The following PDZRN3 variants were observed in gnomAD, a reference collection of about 807,000 sequenced individuals.
The protein encoded by PDZRN3 is E3 ubiquitin-protein ligase PDZRN3.
A neutral mutation model predicts 85.7 loss-of-function variants in PDZRN3; 38 were observed. That is an observed-to-expected ratio of 0.44 (90% CI 0.34 to 0.58). The LOEUF is 0.58. Ranked by LOEUF, PDZRN3 falls within the 20% of genes least tolerant of loss-of-function variation. The pLI is 0.01. For synonymous variants in PDZRN3, 759 were observed against 638.0 expected, an observed-to-expected ratio of 1.19 and a Z score of -2.86; for missense variants, 1,629 against 1,506.4, an observed-to-expected ratio of 1.08 and a Z score of -1.35.
chr3:73,572,355 T>C (rs1329046667), intron 3 of PDZRN3, among the ~76,000 whole-genome samples: 2 of 152,238 alleles, frequency 1.3e-5, no homozygotes, highest in Admixed American at 1.3e-4. Flanking sequence ...CTCAGTTTTA[T>C]GGAAATCCAA....
intron 8 of PDZRN3, 150 bp downstream of exon 8, chr3:73,387,818 G>A (rs73838519): frequency 0.037 from 21,793 of 591,310 alleles, 535 homozygotes; most frequent in African/African-American, 0.081. Context: ...CTCATAAAGT[G>A]AATTCTGAAT....
intron 3 of PDZRN3, among the ~76,000 whole-genome samples, chr3:73,585,758 T>C (rs777379792): frequency 6.6e-6 from 1 of 152,206 alleles, no homozygotes; most frequent in Non-Finnish European, 1.5e-5. Flanking sequence ...TTCCAGAACT[T>C]AGTTGCTACT....
At chr3:73,612,685 A>G (rs1034806711) in intron 1 of PDZRN3, among the ~76,000 whole-genome samples, 1 of 152,184 alleles carries the variant, frequency 6.6e-6, no homozygotes, top group African/African-American at 2.4e-5. Flanking sequence ...TTGTCCCTTG[A>G]GAGAGATTCT....
At chr3:73,440,574 G>A (rs961786581) in intron 3 of PDZRN3, among the ~76,000 whole-genome samples, 1 of 152,156 alleles carries the variant, frequency 6.6e-6, no homozygotes, top group East Asian at 1.9e-4. Flanking sequence ...TGTGTTTCCC[G>A]ACACTGGCGA....
intron 3 of PDZRN3, among the ~76,000 whole-genome samples, chr3:73,518,544 T>TA (rs146407164): frequency 6.0e-5 from 9 of 151,126 alleles, no homozygotes; most frequent in South Asian, 2.1e-4. Context: ...TTTTAAAACT[T>TA]AAAAAAAAAG....
intron 3 of PDZRN3, among the ~76,000 whole-genome samples, chr3:73,421,352 G>T (rs1482133623): frequency 6.6e-6 from 1 of 152,196 alleles, no homozygotes; most frequent in Non-Finnish European, 1.5e-5. Context: ...GCCATAAAAA[G>T]AACCCAAGCC....
chr3:73,494,053 T>C (rs1414445100), intron 3 of PDZRN3, among the ~76,000 whole-genome samples: 1 of 152,252 alleles, frequency 6.6e-6, no homozygotes, highest in Non-Finnish European at 1.5e-5. Context: ...TATTTTTCCA[T>C]TGCTTTAGCC....
chr3:73,485,413 C>T (rs1294730308), intron 3 of PDZRN3, among the ~76,000 whole-genome samples: 1 of 151,212 alleles, frequency 6.6e-6, no homozygotes, highest in Non-Finnish European at 1.5e-5. Flanking sequence ...AAAAGAAGAC[C>T]CTTACAGATT....
chr3:73,606,058 C>T lies in PDZRN3; in HGVS notation c.810+2540G>A, dbSNP rs374838453. On this transcript the variant is annotated intron_variant, in intron 2 of 9. Coordinates refer to ENST00000263666, the MANE Select transcript of PDZRN3 (RefSeq NM_015009.3). ...TGAACACCATCTTCACTGGCTTTAACACAGTAGGTTTCCCAACAATCACTT... is the reference window on the plus strand; with the variant it reads ...TGAACACCATCTTCACTGGCTTTAATACAGTAGGTTTCCCAACAATCACTT... Among the ~76,000 whole-genome samples the T allele has an allele frequency of 5.3e-5, 8 of 152,352 alleles. No homozygotes were observed. In the East Asian group the frequency reaches 9.6e-4, roughly 18 times the overall value.
At chr3:73,394,159 C>T (rs1027156617) in intron 5 of PDZRN3, among the ~76,000 whole-genome samples, 1 of 152,106 alleles carries the variant, frequency 6.6e-6, no homozygotes, top group African/African-American at 2.4e-5. Flanking sequence ...AATCAAGAAC[C>T]ACTTACGCTT....
intron 3 of PDZRN3, among the ~76,000 whole-genome samples, chr3:73,495,693 C>T (rs1467080005): frequency 1.0e-5 from 1 of 97,008 alleles, no homozygotes; most frequent in African/African-American, 2.8e-5. Context: ...GCTAGAACTT[C>T]TCTAGGACTG....
At chr3:73,396,223 CA>C (rs71616855) in intron 5 of PDZRN3, among the ~76,000 whole-genome samples, 5 of 149,626 alleles carry the variant, frequency 3.3e-5, no homozygotes, top group East Asian at 2.0e-4. Context: ...TCAAAACAAA[CA>C]AAAAAAAAAG....
At chr3:73,513,373 G>A (rs1293265677) in intron 3 of PDZRN3, among the ~76,000 whole-genome samples, 2 of 152,186 alleles carry the variant, frequency 1.3e-5, no homozygotes, top group Non-Finnish European at 2.9e-5. Flanking sequence ...GCGGTGATAA[G>A]AGACTGCATA....
At chr3:73,554,663 T>G (rs185564795) in intron 3 of PDZRN3, among the ~76,000 whole-genome samples, 1 of 152,056 alleles carries the variant, frequency 6.6e-6, no homozygotes, top group Admixed American at 6.5e-5. Flanking sequence ...CTCCAAGACA[T>G]AAAGGTAAGA....
At chr3:73,416,116 G>A (rs1002066180) in intron 3 of PDZRN3, among the ~76,000 whole-genome samples, 7 of 151,936 alleles carry the variant, frequency 4.6e-5, no homozygotes, top group African/African-American at 1.7e-4. Flanking sequence ...CATGATCATG[G>A]GAGTTGGCTG....
intron 3 of PDZRN3, among the ~76,000 whole-genome samples, chr3:73,513,897 A>C (rs1413374000): frequency 1.3e-5 from 2 of 152,240 alleles, no homozygotes; most frequent in Non-Finnish European, 2.9e-5. Context: ...AAATAGAAGA[A>C]TCTTATTTGT....
At chr3:73,600,828 T>TA (rs1431585904) in intron 3 of PDZRN3, among the ~76,000 whole-genome samples, 4 of 152,188 alleles carry the variant, frequency 2.6e-5, no homozygotes, top group Non-Finnish European at 5.9e-5. Context: ...AGACAGTAAG[T>TA]AACGCATTTG....
chr3:73,432,653 C>T (rs1044192400), intron 3 of PDZRN3, among the ~76,000 whole-genome samples: 2 of 152,106 alleles, frequency 1.3e-5, no homozygotes, highest in African/African-American at 4.8e-5. Context: ...CAAAAAATGA[C>T]ACTCAAATCA....
At chr3:73,579,538 A>G (rs1034100390) in intron 3 of PDZRN3, among the ~76,000 whole-genome samples, 4 of 152,210 alleles carry the variant, frequency 2.6e-5, no homozygotes, top group African/African-American at 7.2e-5. Flanking sequence ...ACTTATTTTA[A>G]AAGTACTACT....
Sources: allele counts gnomAD v4.1 joint callset (sites outside exome capture counted in the v4.1 genomes callset), GRCh38; gene constraint gnomAD v4.1.1; transcripts MANE v1.5; gene names NCBI Gene and HGNC (gene_info 2026-07-23, HGNC 2026-07-21).